Variants in EPHA6 observed in about 807,000 individuals in gnomAD.
EPHA6 encodes ephrin type-A receptor 6.
Under a neutral mutation model 112.0 loss-of-function variants are expected in EPHA6, and 50 were observed. The ratio of observed to expected loss-of-function variants is 0.45; its 90% CI spans 0.36 to 0.56. The LOEUF (loss-of-function observed/expected upper bound fraction) is 0.56, where lower values mean the gene tolerates loss of function less well. Ranked by LOEUF, EPHA6 falls within the 20% of genes least tolerant of loss-of-function variation. EPHA6 has a pLI of 0.00. For missense variants in EPHA6, 1,280 were observed against 1,417.4 expected, an observed-to-expected ratio of 0.90 and a Z score of 1.56; for synonymous variants, 529 against 490.7, an observed-to-expected ratio of 1.08 and a Z score of -1.03.
rs1432017055 is a variant in EPHA6, at chr3:97,323,491, T to C, written c.1606+79204T>C. Among the ~76,000 whole-genome samples the C allele has an allele frequency of 2.6e-5, 4 of 152,094 alleles. No individual in the cohort carries two copies. In the East Asian group the frequency reaches 5.8e-4, roughly 22 times the overall value. ...GGATACCTCATTTGTCTAGTTAATA[T>C]GTCAAATGATCATGTTTGTATAAAT... On this transcript the variant is annotated intron_variant, in intron 5 of 17. Transcript: ENST00000389672.
chr3:96,868,238 G>A (rs910268374), intron 2 of EPHA6, among the ~76,000 whole-genome samples: 1 of 150,862 alleles, frequency 6.6e-6, no homozygotes. Context: ...ACAGTAGAAT[G>A]GATAGGTGGT....
At chr3:96,912,952 G>A (rs569952391) in intron 2 of EPHA6, among the ~76,000 whole-genome samples, 83 of 152,114 alleles carry the variant, frequency 5.5e-4, no homozygotes, top group African/African-American at 1.7e-3. Flanking sequence ...TTAAAAAAAT[G>A]TAATATTGTT....
intron 2 of EPHA6, among the ~76,000 whole-genome samples, chr3:96,928,571 G>T (rs1033898254): frequency 6.6e-6 from 1 of 152,160 alleles, no homozygotes; most frequent in African/African-American, 2.4e-5. Flanking sequence ...GTGCCGTGCG[G>T]TGATGAGAAG....
rs193181810 is a variant in EPHA6, at chr3:96,887,677, T to C, written c.450+20788T>C. Among the ~76,000 whole-genome samples, 8 of 152,236 alleles carry C rather than the reference T, an allele frequency of 5.3e-5. No homozygotes were observed. In the East Asian group the frequency reaches 1.6e-3, roughly 30 times the overall value. On this transcript the variant is annotated intron_variant, in intron 2 of 17. Transcript: ENST00000389672. ...TCCCAGGATTATATGCCCTTTGTTT[T>C]CTGCTACCAGGGTAGGTAGGGAAGG...
intron 14 of EPHA6, among the ~76,000 whole-genome samples, chr3:97,642,693 A>G (rs946255174): frequency 6.6e-6 from 1 of 152,086 alleles, no homozygotes. Flanking sequence ...GGTATCAGCA[A>G]TGGAAGATGA....
intron 5 of EPHA6, among the ~76,000 whole-genome samples, chr3:97,304,257 G>C (rs1191150433): frequency 1.3e-5 from 2 of 151,762 alleles, no homozygotes; most frequent in African/African-American, 2.4e-5. Context: ...CCTGATTGCT[G>C]TGGCCAGAAC....
intron 1 of EPHA6, among the ~76,000 whole-genome samples, chr3:96,854,477 A>G (rs1246440558): frequency 1.3e-5 from 2 of 151,966 alleles, no homozygotes; most frequent in African/African-American, 4.8e-5. Context: ...CATAATATAT[A>G]ATTATATATT....
At chr3:97,077,192 A>G (rs1427619606) in intron 3 of EPHA6, among the ~76,000 whole-genome samples, 2 of 152,182 alleles carry the variant, frequency 1.3e-5, no homozygotes, top group Non-Finnish European at 2.9e-5. Context: ...ACCATTTTAC[A>G]TGCCATTAGG....
intron 1 of EPHA6, among the ~76,000 whole-genome samples, chr3:96,847,755 CA>C (rs1239659807): frequency 6.6e-6 from 1 of 151,952 alleles, no homozygotes; most frequent in Non-Finnish European, 1.5e-5. Context: ...TATAGGAAGC[CA>C]AAATTCAGTT....
chr3:97,701,284 C>T (rs527509314), intron 14 of EPHA6, among the ~76,000 whole-genome samples: 4 of 152,072 alleles, frequency 2.6e-5, no homozygotes, highest in Non-Finnish European at 5.9e-5. Flanking sequence ...AGTGTTAAGT[C>T]TTACAGCTTT....
At chr3:96,998,235 C>G (rs1254464831) in intron 3 of EPHA6, among the ~76,000 whole-genome samples, 1 of 151,882 alleles carries the variant, frequency 6.6e-6, no homozygotes, top group African/African-American at 2.4e-5. Flanking sequence ...ACCCATGTCA[C>G]CCACTGAAAT....
intron 5 of EPHA6, among the ~76,000 whole-genome samples, chr3:97,399,245 C>T (rs1367890849): frequency 1.3e-5 from 2 of 151,542 alleles, no homozygotes; most frequent in Non-Finnish European, 3.0e-5. Context: ...GGCCTCCAGG[C>T]TCATCCATGT....
chr3:97,480,170 T>A (rs1462565333), intron 9 of EPHA6, among the ~76,000 whole-genome samples: 1 of 152,042 alleles, frequency 6.6e-6, no homozygotes, highest in African/African-American at 2.4e-5. Flanking sequence ...GGAACTTTTA[T>A]TTTTTATTAT....
chr3:97,559,289 C>T (rs1553813384), intron 11 of EPHA6, among the ~76,000 whole-genome samples: 1 of 151,948 alleles, frequency 6.6e-6, no homozygotes, highest in Non-Finnish European at 1.5e-5. Context: ...TGGCAGTGCA[C>T]AAAATGCAAT....
chr3:97,191,619 G>T (rs4857246), intron 3 of EPHA6, among the ~76,000 whole-genome samples: 7,204 of 152,022 alleles, frequency 0.047, 516 homozygotes, highest in Admixed American at 0.2. Flanking sequence ...ATGTCCTGCA[G>T]TTCCATCTAT....
At chr3:96,971,440 TG>T (rs1384637505) in intron 2 of EPHA6, among the ~76,000 whole-genome samples, 2 of 152,154 alleles carry the variant, frequency 1.3e-5, no homozygotes, top group Non-Finnish European at 2.9e-5. Flanking sequence ...TTTTGCTTCT[TG>T]TTTTATTCTC....
chr3:96,933,652 G>A (rs1014216145), intron 2 of EPHA6, among the ~76,000 whole-genome samples: 1 of 152,086 alleles, frequency 6.6e-6, no homozygotes, highest in African/African-American at 2.4e-5. Flanking sequence ...ATTGCAAATC[G>A]CTATGAAAGT....
chr3:97,577,767 A>G (rs1189625557), intron 11 of EPHA6, among the ~76,000 whole-genome samples: 1 of 152,156 alleles, frequency 6.6e-6, no homozygotes, highest in African/African-American at 2.4e-5. Flanking sequence ...GTATATAAAT[A>G]TCACTCTTAA....
At chr3:97,552,942 C>A (rs1403256600) in intron 11 of EPHA6, among the ~76,000 whole-genome samples, 1 of 151,984 alleles carries the variant, frequency 6.6e-6, no homozygotes, top group Non-Finnish European at 1.5e-5. Flanking sequence ...ATTACATGAA[C>A]TGATTAGAGA....
Sources: gnomAD v4.1 joint callset for allele counts (sites outside exome capture counted in the v4.1 genomes callset) on GRCh38, gnomAD v4.1.1 for gene constraint, MANE v1.5 for transcripts, NCBI Gene and HGNC (gene_info 2026-07-23, HGNC 2026-07-21) for gene names.